The following TMEM132C variants were observed in gnomAD, a reference collection of about 807,000 sequenced individuals.
TMEM132C encodes protein phosphatase 1, regulatory subunit 152.
A neutral mutation model predicts 61.4 loss-of-function variants in TMEM132C; 29 were observed. The ratio of observed to expected loss-of-function variants is 0.47; its 90% confidence interval spans 0.35 to 0.64. The LOEUF is 0.64. Among genes scored for constraint, TMEM132C ranks in the 30% least tolerant of loss-of-function variants. The pLI is 0.00. For missense variants in TMEM132C, 1,408 were observed against 1,476.9 expected, an observed-to-expected ratio of 0.95 and a Z score of 0.76; for synonymous variants, 656 against 633.1, an observed-to-expected ratio of 1.04 and a Z score of -0.54.
At chr12:128,683,998 A>G (rs1954655436) in intron 5 of TMEM132C, among the ~76,000 whole-genome samples, 1 of 144,296 alleles carries the variant, frequency 6.9e-6, no homozygotes, top group African/African-American at 2.7e-5. Flanking sequence ...AAATAAATAA[A>G]TAAATAAATA....
At chr12:128,645,647 A>G (rs971350425) in intron 4 of TMEM132C, among the ~76,000 whole-genome samples, 2 of 152,154 alleles carry the variant, frequency 1.3e-5, no homozygotes, top group African/African-American at 4.8e-5. Flanking sequence ...CCTCTCTTGG[A>G]AGTGTTTCTC....
At chr12:128,461,564 C>T (rs943191309) in intron 2 of TMEM132C, among the ~76,000 whole-genome samples, 1 of 152,164 alleles carries the variant, frequency 6.6e-6, no homozygotes, top group South Asian at 2.1e-4. Flanking sequence ...GCTCCTTCCT[C>T]ATGGCCCAGG....
In TMEM132C at chr12:128,630,275, A is replaced by C. The variant is rs190651681; in HGVS notation, c.1305+13940A>C. Among the ~76,000 whole-genome samples the C allele has an allele frequency of 6.6e-6, 1 of 152,132 alleles. No homozygotes were observed. The highest frequency in any genetic ancestry group is 1.5e-5 in the Non-Finnish European group (1 of 68,004). On this transcript the variant is annotated intron_variant, in intron 4 of 8. Coordinates refer to ENST00000435159, the MANE Select transcript of TMEM132C (RefSeq NM_001136103.3). This position sits in a 1 kb window ranked among gnomAD's most constrained non-coding sequence, Gnocchi z 4.3. ...TCCAGGGTTGCCACACTGACGGCCC[A>C]TGAGGGTCACTAGGGGGCAGGGGCT...
intron 4 of TMEM132C, among the ~76,000 whole-genome samples, chr12:128,652,767 A>C (rs1723322599): frequency 6.6e-6 from 1 of 152,236 alleles, no homozygotes; most frequent in Non-Finnish European, 1.5e-5. Context: ...TAGCATGGAG[A>C]AAAGTGCTCA....
chr12:128,394,251 T>TC (rs1285694164), intron 1 of TMEM132C, among the ~76,000 whole-genome samples: 1 of 151,420 alleles, frequency 6.6e-6, no homozygotes, highest in Non-Finnish European at 1.5e-5. Context: ...TCCCGCCAGG[T>TC]CCCCCCAACA....
chr12:128,706,248 C>T lies in TMEM132C; in HGVS notation c.3280C>T (p.Pro1094Ser). The change falls in exon 9 of 9, where the codon CCC becomes TCC. Residue 1094 changes from proline (P) to serine (S), a missense_variant. By Grantham distance (74) the Pro-to-Ser change is moderately conservative. Coordinates refer to ENST00000435159, the MANE Select transcript of TMEM132C (RefSeq NM_001136103.3). ...GTGTCAAGACGTGGCTGTGGGTGCC[C>T]CCAAGGAACTTAGAAACTATCTGGA... The part of the protein sequence containing the change: ...WVCQDVAVGA[P>S]KELRNYLEKL... The T allele has an allele frequency of 6.4e-7, 1 of 1,550,702 alleles. No individual in the cohort carries two copies. The highest frequency in any genetic ancestry group is 8.7e-7 in the Non-Finnish European group (1 of 1,146,424).
chr12:128,492,453 T>G (rs1871773865), intron 2 of TMEM132C, among the ~76,000 whole-genome samples: 1 of 152,168 alleles, frequency 6.6e-6, no homozygotes, highest in South Asian at 2.1e-4. Context: ...TTGACCTAAT[T>G]TACACTCCCA....
chr12:128,288,415 T>G (rs551627507), intron 1 of TMEM132C: 1 of 152,598 alleles, frequency 6.6e-6, no homozygotes, highest in East Asian at 1.9e-4. Context: ...GCCCTCTGCC[T>G]CTGAGTAGGA....
chr12:128,274,552 C>G (rs1870622721), intron 1 of TMEM132C, among the ~76,000 whole-genome samples: 1 of 152,168 alleles, frequency 6.6e-6, no homozygotes, highest in Non-Finnish European at 1.5e-5. Flanking sequence ...ATTGGAAGCT[C>G]TTGACTCCAG....
At chr12:128,606,314 G>T (rs568868454) in intron 3 of TMEM132C, among the ~76,000 whole-genome samples, 1 of 152,296 alleles carries the variant, frequency 6.6e-6, no homozygotes, top group African/African-American at 2.4e-5. Context: ...CCCCTCCCCC[G>T]TGTGGCCAGG....
At chr12:128,380,429 G>GCATCAC (rs1240426760) in intron 1 of TMEM132C, among the ~76,000 whole-genome samples, 1 of 152,236 alleles carries the variant, frequency 6.6e-6, no homozygotes, top group Non-Finnish European at 1.5e-5. Context: ...GGATGCCACT[G>GCATCAC]AGTCACAGCA....
At chr12:128,503,634 C>A (rs559649231) in intron 2 of TMEM132C, among the ~76,000 whole-genome samples, 1 of 152,332 alleles carries the variant, frequency 6.6e-6, no homozygotes, top group Non-Finnish European at 1.5e-5. Context: ...GGATAGTTAC[C>A]ATGTGCTGTC....
intron 1 of TMEM132C, among the ~76,000 whole-genome samples, chr12:128,316,657 AG>A (rs1555216949): frequency 6.6e-6 from 1 of 152,194 alleles, no homozygotes; most frequent in Non-Finnish European, 1.5e-5. Flanking sequence ...TCTGGTGTCA[AG>A]GGGTGGGGAG....
intron 4 of TMEM132C, among the ~76,000 whole-genome samples, chr12:128,665,984 C>T (rs1954465013): frequency 6.8e-6 from 1 of 147,184 alleles, no homozygotes; most frequent in Non-Finnish European, 1.5e-5. Flanking sequence ...TACCCGTAAA[C>T]ACACAGGCAC....
At chr12:128,673,936 A>G (rs1482407061) in intron 5 of TMEM132C, among the ~76,000 whole-genome samples, 1 of 152,260 alleles carries the variant, frequency 6.6e-6, no homozygotes, top group Non-Finnish European at 1.5e-5. Context: ...TAGGTAGATC[A>G]GGGATTAAGA....
intron 3 of TMEM132C, among the ~76,000 whole-genome samples, chr12:128,590,071 T>G (rs1875698969): frequency 6.6e-6 from 1 of 152,332 alleles, no homozygotes; most frequent in South Asian, 2.1e-4. Context: ...CTCTGGGATA[T>G]GGAGGCTTTG....
intron 4 of TMEM132C, among the ~76,000 whole-genome samples, chr12:128,622,687 C>T (rs561180862): frequency 1.6e-4 from 25 of 151,856 alleles, no homozygotes; most frequent in Non-Finnish European, 2.6e-4. Flanking sequence ...TGGGGAAGCG[C>T]GTTAGCAATA....
intron 5 of TMEM132C, among the ~76,000 whole-genome samples, chr12:128,681,019 G>A (rs1954630035): frequency 6.6e-6 from 1 of 152,194 alleles, no homozygotes; most frequent in African/African-American, 2.4e-5. Context: ...CGGGGAAGAT[G>A]TAGCTCTGGA....
At chr12:128,445,605 A>G (rs1869954725) in intron 2 of TMEM132C, among the ~76,000 whole-genome samples, 1 of 152,134 alleles carries the variant, frequency 6.6e-6, no homozygotes, top group Non-Finnish European at 1.5e-5. Context: ...TCCGCGGACC[A>G]TCCCCAGTCT....
Sources: allele counts gnomAD v4.1 joint callset (sites outside exome capture counted in the v4.1 genomes callset), GRCh38; gene constraint gnomAD v4.1.1; non-coding constraint Gnocchi (gnomAD v3.1); transcripts MANE v1.5; gene names NCBI Gene and HGNC (gene_info 2026-07-23, HGNC 2026-07-21).